The following BBS1 variants were observed in gnomAD, a reference collection of about 807,000 sequenced individuals.
BBS1 encodes BBSome complex member BBS1.
Under a neutral mutation model 73.9 loss-of-function variants are expected in BBS1, and 60 were observed. The observed-to-expected ratio is 0.81, with a 90% CI of 0.66 to 1.01. BBS1 has a LOEUF of 1.01. Among genes scored for constraint, BBS1 ranks in the 50% least tolerant of loss-of-function variants. BBS1 has a pLI of 0.00. For synonymous variants in BBS1, 283 were observed against 317.4 expected (o/e 0.89, Z 1.15); for missense variants, 718 against 770.3 (o/e 0.93, Z 0.80).
chr11:66,514,753 G>C (rs1856013503), intron 4 of BBS1, 75 bp downstream of exon 4: 1 of 1,565,936 alleles, frequency 6.4e-7, no homozygotes, highest in Non-Finnish European at 8.7e-7. Flanking sequence ...CTGGGCTCCT[G>C]GGAAGAACGT....
Position 66,532,716 on chromosome 11 carries a change from A to C in BBS1, c.*679A>C, listed in dbSNP as rs1856836570. The C allele has an allele frequency of 6.5e-6, 1 of 152,920 alleles. No homozygotes were observed. The highest frequency in any genetic ancestry group is 2.4e-5 in the African/African-American group (1 of 41,462). 9.5% of individuals were successfully genotyped at this position (152,920 alleles called of 1,614,324 possible). On this transcript the variant is annotated 3_prime_UTR_variant, in exon 17 of 17. Coordinates refer to ENST00000318312, the MANE Select transcript of BBS1 (RefSeq NM_024649.5). ...AGGAGGCAGAGGGTGCCCCGCAGGG[A>C]GCTGGTGGCTCCAGCCCCACTAGAG...
chr11:66,523,826 A>G lies in BBS1; in HGVS notation c.1054A>G (p.Asn352Asp), dbSNP rs747656068. ...GLQAVMAGLA[N>D]GEVRIYRDKA... Reference sequence around the variant, plus strand: ...GCAGGCCGTCATGGCTGGGCTGGCCAATGGAGAGGTCCGCATTTATCGTGA... The same window carrying G: ...GCAGGCCGTCATGGCTGGGCTGGCCGATGGAGAGGTCCGCATTTATCGTGA... The change falls in exon 11 of 17, where the codon AAT (asparagine) becomes GAT (aspartate). Residue 352 changes from asparagine (N) to aspartate (D), a missense_variant. Physicochemically the swap from Asn to Asp is conservative, Grantham distance 23. Transcript: ENST00000318312. 96 of 1,613,552 alleles carry G rather than the reference A, an allele frequency of 5.9e-5. No individual in the cohort carries two copies. Among genetic ancestry groups the G allele is most frequent in the Non-Finnish European group, 7.9e-5 (93 of 1,180,038 alleles).
chr11:66,530,382 C>G (rs949981221), intron 14 of BBS1, among the ~76,000 whole-genome samples: 1 of 152,066 alleles, frequency 6.6e-6, no homozygotes, highest in Non-Finnish European at 1.5e-5. Context: ...GAGACCAGCA[C>G]GGGCAAAAGG....
At chr11:66,529,353 G>A (rs1182122067) in intron 13 of BBS1, 1 of 1,514,662 alleles carries the variant, frequency 6.6e-7, no homozygotes, top group Admixed American at 2.0e-5. Flanking sequence ...AGGTGTTGAT[G>A]GGACCTCCCT....
chr11:66,522,803 A>G, intron 9 of BBS1: 1 of 263,344 alleles, frequency 3.8e-6, no homozygotes, highest in Non-Finnish European at 7.5e-6. Context: ...AGATGTTACT[A>G]CAAATTGGAT....
intron 3 of BBS1, among the ~76,000 whole-genome samples, chr11:66,514,076 G>A (rs1328376332): frequency 6.6e-6 from 1 of 152,204 alleles, no homozygotes; most frequent in Non-Finnish European, 1.5e-5. Flanking sequence ...TATCTCTCTA[G>A]AAGTGCCTGG....
chr11:66,529,460 G>T, intron 13 of BBS1: 1 of 776,132 alleles, frequency 1.3e-6, no homozygotes, highest in Non-Finnish European at 2.2e-6. Flanking sequence ...TCTTTGTGGT[G>T]GTCAGAGCTG....
intron 7 of BBS1, among the ~76,000 whole-genome samples, chr11:66,518,769 T>C (rs1480078850): frequency 2.6e-5 from 4 of 151,036 alleles, no homozygotes; most frequent in African/African-American, 9.7e-5. Context: ...TTTTTTTTTT[T>C]TTTTTTAAGA....
rs763723827 is a variant in BBS1, at chr11:66,531,708, G to C, written c.1661G>C (p.Ser554Thr). The change falls in exon 16 of 17, where the codon AGT (serine) becomes ACT (threonine). Residue 554 changes from serine to threonine, a missense_variant. Transcript: ENST00000318312. ...LNYPLETFVE[S>T]LSNKGISDII... ...TACCCCCTGGAGACCTTTGTGGAGA[G>C]TCTCAGTAACAAGGGCATCTCAGAC... 6.8e-6 allele frequency: 11 copies of C among 1,614,142 alleles called. No homozygotes were observed. Among genetic ancestry groups the C allele is most frequent in the Non-Finnish European group, 7.6e-6 (9 of 1,179,996 alleles).
At position 66,510,999 on chromosome 11, in the gene BBS1, T is replaced by TC; in HGVS notation, c.48-9dup. On this transcript the variant is annotated splice_polypyrimidine_tract_variant and intron_variant, in intron 1 of 16. Coordinates refer to ENST00000318312, the MANE Select transcript of BBS1 (RefSeq NM_024649.5). ...ATGGGACTCACTCCCCAACTGTCTT[T>TC]CCCCCACTTCCAGCAATGAGGCCAA... 1.2e-6 allele frequency: 2 copies of TC among 1,613,994 alleles called. No individual in the cohort carries two copies. The highest frequency in any genetic ancestry group is 1.7e-6 in the Non-Finnish European group (2 of 1,179,950).
intron 11 of BBS1, chr11:66,524,279 TA>T (rs542214160): frequency 0.14 from 36,821 of 271,898 alleles, no homozygotes; most frequent in South Asian, 0.24. Flanking sequence ...GACTCCATCT[TA>T]AAAAAAAAAA....
chr11:66,510,851 A>G (rs866768727), intron 1 of BBS1, 145 bp downstream of exon 1: 22 of 1,379,570 alleles, frequency 1.6e-5, no homozygotes, highest in Middle Eastern at 1.8e-4. Flanking sequence ...TAAGATGTGC[A>G]TATGTGTGTC....
At chr11:66,521,454 G>A in intron 9 of BBS1, 78 bp downstream of exon 9, 1 of 1,168,778 alleles carries the variant, frequency 8.6e-7, no homozygotes, top group South Asian at 1.2e-5. Context: ...CAAGATGAGA[G>A]TGGGCTTTAA....
chr11:66,530,330 G>A (rs1856719704), intron 14 of BBS1, among the ~76,000 whole-genome samples: 1 of 152,170 alleles, frequency 6.6e-6, no homozygotes, highest in Non-Finnish European at 1.5e-5. Flanking sequence ...TAGGACTGCT[G>A]GGTACAGGGA....
At position 66,526,827 on chromosome 11, in the gene BBS1, C is replaced by T; in HGVS notation, c.1339+20C>T. 2 of 1,614,210 alleles carry T rather than the reference C, an allele frequency of 1.2e-6. No individual in the cohort carries two copies. The highest frequency in any genetic ancestry group is 1.7e-6 in the Non-Finnish European group (2 of 1,180,038). On this transcript the variant is annotated intron_variant, in intron 13 of 16. Transcript: ENST00000318312. ...GCACCGGTGAGCCTCAGACTGGGTC[C>T]TTTCCCTTCTTCCTCCTCCACTGCT...
chr11:66,512,351 T>C (rs1436964834), intron 3 of BBS1, among the ~76,000 whole-genome samples: 3 of 152,144 alleles, frequency 2.0e-5, no homozygotes, highest in Non-Finnish European at 4.4e-5. Context: ...GCCCTCACCA[T>C]GGGCAACAAC....
intron 3 of BBS1, 22 bp from the exon 4 acceptor site, chr11:66,514,384 A>G (rs1391462392): frequency 1.2e-6 from 2 of 1,613,846 alleles, no homozygotes; most frequent in South Asian, 2.2e-5. Flanking sequence ...TGAGCCTAGA[A>G]TGAGCCATCC....
At chr11:66,514,991 A>G (rs923841432) in intron 4 of BBS1, among the ~76,000 whole-genome samples, 2 of 151,910 alleles carry the variant, frequency 1.3e-5, no homozygotes, top group Non-Finnish European at 2.9e-5. Context: ...AATTTTTTGT[A>G]TGTGTTAGTA....
intron 13 of BBS1, among the ~76,000 whole-genome samples, chr11:66,528,583 G>A (rs917568490): frequency 6.6e-6 from 1 of 152,212 alleles, no homozygotes; most frequent in African/African-American, 2.4e-5. Flanking sequence ...TGGAAAGTCA[G>A]AGTGTGTGAA....
Sources: gnomAD v4.1 joint callset for allele counts (sites outside exome capture counted in the v4.1 genomes callset) on GRCh38, gnomAD v4.1.1 for gene constraint, MANE v1.5 for transcripts, NCBI Gene and HGNC (gene_info 2026-07-23, HGNC 2026-07-21) for gene names.